The following SPATA16 variants were observed in gnomAD, a reference collection of about 807,000 sequenced individuals.
SPATA16 encodes spermatogenesis associated 16.
SPATA16 carries 36 observed loss-of-function variants against 63.3 expected under a neutral mutation model. The ratio of observed to expected loss-of-function variants is 0.57; its 90% CI spans 0.44 to 0.75. The LOEUF is 0.75. SPATA16 is among the 30% of genes least tolerant of loss of function. SPATA16 has a pLI of 0.00. For missense variants in SPATA16, 646 were observed against 679.3 expected (o/e 0.95, Z 0.54); for synonymous variants, 203 against 216.7 (o/e 0.94, Z 0.56).
chr3:173,133,255 T>C (rs1738432509), intron 1 of SPATA16, among the ~76,000 whole-genome samples: 1 of 152,182 alleles, frequency 6.6e-6, no homozygotes, highest in Admixed American at 6.5e-5. Flanking sequence ...AGTTAGGCTC[T>C]GCCAATAGAG....
chr3:172,895,718 G>T (rs1193649875), intron 10 of SPATA16, among the ~76,000 whole-genome samples: 1 of 152,114 alleles, frequency 6.6e-6, no homozygotes, highest in Non-Finnish European at 1.5e-5. Flanking sequence ...CACTTCTATG[G>T]AGATTTATTC....
At chr3:172,970,437 A>T (rs2108246325) in intron 5 of SPATA16, among the ~76,000 whole-genome samples, 1 of 152,328 alleles carries the variant, frequency 6.6e-6, no homozygotes, top group South Asian at 2.1e-4. Context: ...GTAACAATGT[A>T]CTTAGTTAAA....
chr3:172,905,473 A>G (rs1464543002), intron 10 of SPATA16, among the ~76,000 whole-genome samples: 1 of 152,138 alleles, frequency 6.6e-6, no homozygotes, highest in Non-Finnish European at 1.5e-5. Context: ...AGTAAATAAA[A>G]TGTTCCAACT....
intron 10 of SPATA16, among the ~76,000 whole-genome samples, chr3:172,898,223 G>A (rs1362311412): frequency 6.6e-6 from 1 of 151,730 alleles, no homozygotes; most frequent in African/African-American, 2.4e-5. Context: ...TACTATTTTT[G>A]TCCCATTTGG....
chr3:172,916,355 G>T lies in SPATA16; in HGVS notation c.1465C>A (p.Pro489Thr), dbSNP rs1341354857. Residue 489 changes from proline to threonine, a missense_variant, in exon 9 of 11, where the codon CCC becomes ACC. Physicochemically the swap from Pro to Thr is conservative, Grantham distance 38. Coordinates refer to ENST00000351008, the MANE Select transcript of SPATA16 (RefSeq NM_031955.6). The stretch of plus-strand genomic sequence containing the variant: ...TGTTGACTGATGTCCTGTAGGTAGG[G>T]AATGGTTGCTAGCTCTGCCATTGCT... ...NQAMAELATIPYLQDISQQEA... is the reference protein window; with the variant it reads ...NQAMAELATITYLQDISQQEA... 8 of 1,613,708 alleles carry T rather than the reference G, an allele frequency of 5.0e-6. No individual in the cohort carries two copies. The highest frequency in any genetic ancestry group is 6.8e-6 in the Non-Finnish European group (8 of 1,179,728).
rs115261789 is a variant in SPATA16, at chr3:172,993,629, T to C, written c.849-16577A>G. On this transcript the variant is annotated intron_variant, in intron 4 of 10. Coordinates refer to ENST00000351008, the MANE Select transcript of SPATA16 (RefSeq NM_031955.6). ...TGATTATAATCTTCCTGTGGCATAA[T>C]TACAATAAATATTAAATGTTTATGT... 7.4e-3 allele frequency among the ~76,000 whole-genome samples: 1,123 copies of C among 152,252 alleles called. 4 individuals are homozygous for C. The highest frequency in any genetic ancestry group is 0.013 in the Non-Finnish European group (870 of 68,012).
intron 4 of SPATA16, among the ~76,000 whole-genome samples, chr3:173,001,265 G>GTTGTTTTTATTT (rs1553790834): frequency 2.2e-5 from 3 of 133,972 alleles, no homozygotes; most frequent in African/African-American, 1.1e-4. Flanking sequence ...ATGCTTCTCA[G>GTTGTTTTTATTT]TTGTTTTTTT....
At chr3:173,067,913 G>A (rs899491168) in intron 2 of SPATA16, among the ~76,000 whole-genome samples, 2 of 152,218 alleles carry the variant, frequency 1.3e-5, no homozygotes, top group African/African-American at 4.8e-5. Context: ...CCTAGCAGCA[G>A]ATTTCTCAAT....
At chr3:172,904,610 G>T (rs1358188840) in intron 10 of SPATA16, among the ~76,000 whole-genome samples, 1 of 152,208 alleles carries the variant, frequency 6.6e-6, no homozygotes, top group Non-Finnish European at 1.5e-5. Flanking sequence ...CCAACTACAG[G>T]TGCAAAGTGG....
At chr3:172,934,043 A>G (rs1180282854) in intron 6 of SPATA16, among the ~76,000 whole-genome samples, 1 of 152,172 alleles carries the variant, frequency 6.6e-6, no homozygotes, top group Non-Finnish European at 1.5e-5. Flanking sequence ...TTACAATATT[A>G]TCACTGGTAA....
chr3:172,915,068 A>G (rs2109564041), intron 9 of SPATA16, among the ~76,000 whole-genome samples: 1 of 152,186 alleles, frequency 6.6e-6, no homozygotes, highest in Middle Eastern at 3.4e-3. Context: ...ATAGGCTACA[A>G]TATGCACTTT....
At chr3:172,981,274 C>T (rs1484167594) in intron 4 of SPATA16, among the ~76,000 whole-genome samples, 1 of 152,152 alleles carries the variant, frequency 6.6e-6, no homozygotes, top group African/African-American at 2.4e-5. Context: ...GCTTCTCCAT[C>T]GGTTTATTCT....
At chr3:172,971,303 G>A (rs1734042585) in intron 5 of SPATA16, among the ~76,000 whole-genome samples, 2 of 152,168 alleles carry the variant, frequency 1.3e-5, no homozygotes, top group Admixed American at 1.3e-4. Context: ...ATGTTCATTG[G>A]ATTCATAATC....
chr3:172,971,583 A>G (rs1181476744), intron 5 of SPATA16, among the ~76,000 whole-genome samples: 1 of 152,158 alleles, frequency 6.6e-6, no homozygotes, highest in Non-Finnish European at 1.5e-5. Flanking sequence ...GGCAATGTCT[A>G]TTTTGTTCAC....
At chr3:173,070,650 G>T (rs138633673) in intron 2 of SPATA16, among the ~76,000 whole-genome samples, 6 of 152,070 alleles carry the variant, frequency 3.9e-5, no homozygotes, top group Admixed American at 1.3e-4. Flanking sequence ...ACAAAAGTCC[G>T]AAGCATTTCT....
intron 2 of SPATA16, among the ~76,000 whole-genome samples, chr3:173,111,810 A>G (rs527968673): frequency 1.6e-4 from 24 of 152,286 alleles, no homozygotes; most frequent in South Asian, 8.3e-4. Context: ...TGTGGGTTCA[A>G]TCATGTTGGA....
intron 4 of SPATA16, among the ~76,000 whole-genome samples, chr3:172,982,352 A>G (rs1036426803): frequency 2.0e-5 from 3 of 152,220 alleles, no homozygotes; most frequent in South Asian, 2.1e-4. Flanking sequence ...TGAGAGCTTA[A>G]TGAATGCTAA....
At position 172,956,869 on chromosome 3, in the gene SPATA16, G is replaced by C. The variant is rs779318248; in HGVS notation, c.934-45C>G. 3 of 1,605,836 alleles carry C rather than the reference G, an allele frequency of 1.9e-6. No homozygotes were observed. The African/African-American group carries it at 4.0e-5, about 22-fold the overall frequency. ...CCATTTGGCATCAATAACAATATAT[G>C]ACTTTTTAAGAATGTAAAAAATATA... On this transcript the variant is annotated intron_variant, in intron 5 of 10. Transcript: ENST00000351008.
intron 2 of SPATA16, among the ~76,000 whole-genome samples, chr3:173,094,839 G>A (rs60693983): frequency 0.03 from 4,560 of 152,190 alleles, 208 homozygotes; most frequent in African/African-American, 0.1. Context: ...GAGCAGCTCC[G>A]TTTTATCTTC....
Sources: gnomAD v4.1 joint callset for allele counts (sites outside exome capture counted in the v4.1 genomes callset) on GRCh38, gnomAD v4.1.1 for gene constraint, MANE v1.5 for transcripts, NCBI Gene and HGNC (gene_info 2026-07-23, HGNC 2026-07-21) for gene names.